Variants in TAPT1 observed in about 807,000 individuals in gnomAD.
TAPT1 encodes transmembrane anterior posterior transformation 1, also known as transmembrane anterior posterior transformation protein 1 homolog.
A neutral mutation model predicts 65.6 loss-of-function variants in TAPT1; 28 were observed. The observed-to-expected ratio is 0.43, with a 90% CI of 0.32 to 0.59. The LOEUF is 0.59. Among genes scored for constraint, TAPT1 ranks in the 20% least tolerant of loss-of-function variants. The pLI, the probability that TAPT1 is intolerant of heterozygous loss-of-function variation, is 0.09. For missense variants in TAPT1, 563 were observed against 679.9 expected (o/e 0.83, Z 1.91); for synonymous variants, 278 against 245.2 (o/e 1.13, Z -1.25).
chr4:16,166,067 G>A (rs1265833445), intron 13 of TAPT1, among the ~76,000 whole-genome samples: 2 of 152,162 alleles, frequency 1.3e-5, no homozygotes, highest in Non-Finnish European at 2.9e-5. Flanking sequence ...ATGGGCCACT[G>A]CAGCCATCTG....
intron 3 of TAPT1, among the ~76,000 whole-genome samples, chr4:16,195,344 T>C (rs1306578415): frequency 6.6e-6 from 1 of 152,234 alleles, no homozygotes; most frequent in African/African-American, 2.4e-5. Context: ...CTACAGTTCT[T>C]ATAAATGGCT....
chr4:16,190,853 A>C lies in TAPT1; in HGVS notation c.612+508T>G, dbSNP rs148276038. 2.5e-4 allele frequency: 39 copies of C among 155,072 alleles called. No individual in the cohort carries two copies. The Middle Eastern group carries it at 3.6e-3, about 14-fold the overall frequency. 9.6% of individuals were successfully genotyped at this position (155,072 alleles called of 1,614,324 possible). Reference sequence around the variant, plus strand: ...CATTACTTACAAAAATTGGGAACTTATATTTATTTACCCTATGTAAAGATC... The same window carrying C: ...CATTACTTACAAAAATTGGGAACTTCTATTTATTTACCCTATGTAAAGATC... On this transcript the variant is annotated intron_variant, in intron 4 of 13. Coordinates refer to ENST00000405303, the MANE Select transcript of TAPT1 (RefSeq NM_153365.3).
chr4:16,166,611 T>A lies in TAPT1; in HGVS notation c.1474+22A>T, dbSNP rs769673682. On this transcript the variant is annotated intron_variant, in intron 13 of 13. Transcript: ENST00000405303. Reference sequence around the variant, plus strand: ...ACTCTTTGAAAATGATCCAGGGAAGTGAAGAAAGGGACCAAACCTACCTTG... The same window carrying A: ...ACTCTTTGAAAATGATCCAGGGAAGAGAAGAAAGGGACCAAACCTACCTTG... The A allele has an allele frequency of 1.1e-5, 18 of 1,608,564 alleles. No homozygotes were observed. The South Asian group carries it at 1.9e-4, about 17-fold the overall frequency.
chr4:16,170,302 T>C (rs994280387), intron 12 of TAPT1, among the ~76,000 whole-genome samples: 3 of 152,206 alleles, frequency 2.0e-5, no homozygotes, highest in Non-Finnish European at 2.9e-5. Context: ...AACAATTCAA[T>C]GTGGCAAACA....
intron 7 of TAPT1, among the ~76,000 whole-genome samples, chr4:16,184,199 A>C (rs1343595162): frequency 2.0e-5 from 3 of 152,124 alleles, no homozygotes; most frequent in Admixed American, 2.0e-4. Flanking sequence ...CCCAACAAAC[A>C]ACCTCTTATT....
chr4:16,208,329 T>C (rs1266708901), intron 2 of TAPT1, among the ~76,000 whole-genome samples: 2 of 152,202 alleles, frequency 1.3e-5, no homozygotes, highest in Non-Finnish European at 2.9e-5. Flanking sequence ...GCTAACCCAA[T>C]AACCATTCTC....
Position 16,226,284 on chromosome 4 carries a change from C to T in TAPT1, c.174G>A (p.Arg58=). The T allele has an allele frequency of 8.9e-7, 1 of 1,128,020 alleles. No individual in the cohort carries two copies. The highest frequency in any genetic ancestry group is 1.1e-6 in the Non-Finnish European group (1 of 922,126). 69.9% of individuals were successfully genotyped at this position (1,128,020 alleles called of 1,614,324 possible). A position where few individuals can be genotyped will look rare whatever the true frequency, so the allele number is the denominator to read the frequency against. ...ETLGFYESDR[R]RERRRGRTEL... is the part of the protein sequence containing the mutation. ...CTGTGCGGCCCCGGCGCCTCTCCCG[C>T]CGCCGGTCGCTCTCGTAGAAGCCCA... Residue 58 remains arginine, a synonymous_variant, in exon 1 of 14, where the codon CGG becomes CGA. Transcript: ENST00000405303.
Position 16,163,519 on chromosome 4 carries a change from T to C in TAPT1, c.1493A>G (p.Asn498Ser), listed in dbSNP as rs754203436. ...KPSQGLSTEE[N>S]LSASITKQPI... Reference sequence around the variant, plus strand: ...TTGTTTGGTGATGGAGGCAGACAGGTTTTCTTCTGTGGAAAGGCCTGTGAT... The same window carrying C: ...TTGTTTGGTGATGGAGGCAGACAGGCTTTCTTCTGTGGAAAGGCCTGTGAT... The change falls in exon 14 of 14, where the codon AAC becomes AGC. Residue 498 changes from asparagine to serine, a missense_variant. Asn to Ser is a conservative substitution (Grantham distance 46, BLOSUM62 1). This residue lies in a region of TAPT1 where 136 missense variants were observed against 153.9 expected (regional missense o/e 0.88). Coordinates refer to ENST00000405303, the MANE Select transcript of TAPT1 (RefSeq NM_153365.3). 3 of 1,613,536 alleles carry C rather than the reference T, an allele frequency of 1.9e-6. No homozygotes were observed. The Admixed American group carries it at 5.0e-5, about 27-fold the overall frequency.
chr4:16,183,828 C>T (rs1748851290), intron 7 of TAPT1, among the ~76,000 whole-genome samples: 1 of 152,154 alleles, frequency 6.6e-6, no homozygotes, highest in African/African-American at 2.4e-5. Context: ...TGGCAGTCTG[C>T]ACTTGAAAGG....
At chr4:16,203,123 C>T (rs1186137244) in intron 2 of TAPT1, among the ~76,000 whole-genome samples, 3 of 152,104 alleles carry the variant, frequency 2.0e-5, no homozygotes, top group African/African-American at 4.8e-5. Flanking sequence ...CATACCCTTT[C>T]TTTTTGTGGT....
intron 13 of TAPT1, among the ~76,000 whole-genome samples, chr4:16,165,716 T>A (rs1320789047): frequency 6.6e-6 from 1 of 152,114 alleles, no homozygotes; most frequent in African/African-American, 2.4e-5. Context: ...CCTGGAATCA[T>A]CCTGAACTCA....
chr4:16,226,440 G>A lies in TAPT1; in HGVS notation c.18C>T (p.Asp6=), dbSNP rs1560198161. The part of the protein sequence containing the change: MAGVG[D]AAAPGEGGGG... The stretch of plus-strand genomic sequence containing the variant: ...CGCCGCCTTCTCCCGGAGCGGCCGC[G>A]TCGCCGACGCCCGCCATGTTCCGAG... Residue 6 remains aspartate (D), a synonymous_variant, in exon 1 of 14, where the codon GAC becomes GAT. Transcript: ENST00000405303. The A allele has an allele frequency of 9.3e-7, 1 of 1,071,612 alleles. No individual in the cohort carries two copies. The highest frequency in any genetic ancestry group is 1.1e-6 in the Non-Finnish European group (1 of 887,488). 66.4% of individuals were successfully genotyped at this position (1,071,612 alleles called of 1,614,324 possible). A position where few individuals can be genotyped will look rare whatever the true frequency, so the allele number is the denominator to read the frequency against.
At chr4:16,223,181 C>A (rs1751353866) in intron 1 of TAPT1, among the ~76,000 whole-genome samples, 1 of 152,172 alleles carries the variant, frequency 6.6e-6, no homozygotes, top group African/African-American at 2.4e-5. Context: ...AATTCAACAA[C>A]CCAACCAAGC....
chr4:16,226,519 C>T, upstream of TAPT1: 1 of 976,154 alleles, frequency 1.0e-6, no homozygotes, highest in Non-Finnish European at 1.2e-6. Context: ...GGCCGGCCCC[C>T]TCCCCGCCTC....
At chr4:16,202,817 T>G (rs1750118360) in intron 2 of TAPT1, among the ~76,000 whole-genome samples, 1 of 152,190 alleles carries the variant, frequency 6.6e-6, no homozygotes, top group Non-Finnish European at 1.5e-5. Context: ...TTGACCATAG[T>G]TAATGGCACA....
chr4:16,188,838 TG>T (rs1331998987), intron 4 of TAPT1, among the ~76,000 whole-genome samples: 4 of 151,880 alleles, frequency 2.6e-5, no homozygotes, highest in African/African-American at 9.7e-5. Flanking sequence ...GAGAATGACG[TG>T]AACCCGAGAG....
intron 7 of TAPT1, 94 bp from the exon 8 acceptor site, chr4:16,179,751 T>C: frequency 1.7e-6 from 1 of 579,722 alleles, no homozygotes; most frequent in East Asian, 3.3e-5. Flanking sequence ...ATGATGAAAT[T>C]ATTAGACGAT....
At chr4:16,192,835 T>C (rs1749453688) in intron 3 of TAPT1, among the ~76,000 whole-genome samples, 2 of 152,212 alleles carry the variant, frequency 1.3e-5, no homozygotes, top group Admixed American at 1.3e-4. Context: ...TAAGCAACAA[T>C]ACAGGGGTGG....
chr4:16,174,665 C>T lies in TAPT1; in HGVS notation c.1167+5G>A. 3 of 1,588,020 alleles carry T rather than the reference C, an allele frequency of 1.9e-6. No individual in the cohort carries two copies. Among genetic ancestry groups the T allele is most frequent in the Admixed American group, 1.8e-5 (1 of 56,706 alleles). Reference sequence around the variant, plus strand: ...TTTCAGACTACGCCCTTGATAAATGCTCACATTTTTCTGTCGGCTGCTAAC... The same window carrying T: ...TTTCAGACTACGCCCTTGATAAATGTTCACATTTTTCTGTCGGCTGCTAAC... On this transcript the variant is annotated splice_donor_5th_base_variant and intron_variant, in intron 10 of 13. Coordinates refer to ENST00000405303, the MANE Select transcript of TAPT1 (RefSeq NM_153365.3).
Sources: allele counts gnomAD v4.1 joint callset (sites outside exome capture counted in the v4.1 genomes callset), GRCh38; gene constraint gnomAD v4.1.1; regional missense constraint gnomAD v4.1.1; transcripts MANE v1.5; gene names NCBI Gene and HGNC (gene_info 2026-07-23, HGNC 2026-07-21).